Variants in RALGPS1 observed in about 807,000 individuals in gnomAD.
The protein encoded by RALGPS1 is ras-specific guanine nucleotide-releasing factor RalGPS1.
In RALGPS1, 19 loss-of-function variants were observed where a neutral mutation model predicts 78.8. The observed-to-expected ratio is 0.24, with a 90% CI of 0.17 to 0.35. RALGPS1 has a LOEUF of 0.35. RALGPS1 is among the 10% of genes least tolerant of loss of function. RALGPS1 has a pLI of 1.00. For missense variants in RALGPS1, 454 were observed against 688.3 expected, an observed-to-expected ratio of 0.66 and a Z score of 3.81; for synonymous variants, 228 against 256.3, an observed-to-expected ratio of 0.89 and a Z score of 1.06.
At chr9:127,058,355 G>A (rs1271767495) in intron 7 of RALGPS1, among the ~76,000 whole-genome samples, 1 of 152,164 alleles carries the variant, frequency 6.6e-6, no homozygotes, top group African/African-American at 2.4e-5. Flanking sequence ...TGGTTTTTGT[G>A]TTTTTAATTA....
At chr9:126,959,684 C>G (rs2038694889) in intron 1 of RALGPS1, among the ~76,000 whole-genome samples, 1 of 151,810 alleles carries the variant, frequency 6.6e-6, no homozygotes, top group African/African-American at 2.4e-5. Context: ...ACCCTCTTGA[C>G]TAGATTCAGC....
chr9:127,119,230 A>T (rs566496624), intron 8 of RALGPS1, among the ~76,000 whole-genome samples: 1 of 152,306 alleles, frequency 6.6e-6, no homozygotes, highest in East Asian at 1.9e-4. Context: ...GCTCATCTCT[A>T]AGAGTAACAG....
At chr9:127,085,618 T>C (rs2051633487) in intron 8 of RALGPS1, among the ~76,000 whole-genome samples, 1 of 152,200 alleles carries the variant, frequency 6.6e-6, no homozygotes, top group Non-Finnish European at 1.5e-5. Flanking sequence ...AGATTCAGTC[T>C]TGGGTATTGA....
chr9:127,032,615 A>ATATT (rs1308990346), intron 4 of RALGPS1, among the ~76,000 whole-genome samples: 2 of 152,224 alleles, frequency 1.3e-5, no homozygotes, highest in Non-Finnish European at 2.9e-5. Context: ...ATAATAACAT[A>ATATT]TATTTGCAAA....
chr9:126,981,663 A>G (rs905244904), intron 4 of RALGPS1, among the ~76,000 whole-genome samples: 1 of 152,194 alleles, frequency 6.6e-6, no homozygotes, highest in Admixed American at 6.5e-5. Context: ...TCACAGTGTT[A>G]TGATGTACCT....
chr9:127,107,572 G>A (rs2054339140), intron 8 of RALGPS1, among the ~76,000 whole-genome samples: 1 of 152,220 alleles, frequency 6.6e-6, no homozygotes. Context: ...TGAGCTGCAG[G>A]AGAGACATTC....
At chr9:127,162,077 CAT>C (rs565736967) in intron 8 of RALGPS1, among the ~76,000 whole-genome samples, 162 of 152,288 alleles carry the variant, frequency 1.1e-3, no homozygotes, top group Middle Eastern at 3.4e-3. Context: ...ACGAGGGTAA[CAT>C]GTGCTTCATA....
At chr9:127,206,528 G>T (rs2061939748) in intron 14 of RALGPS1, among the ~76,000 whole-genome samples, 1 of 152,130 alleles carries the variant, frequency 6.6e-6, no homozygotes, top group Non-Finnish European at 1.5e-5. Context: ...GAGAACAGCA[G>T]CATGGGGGTA....
intron 1 of RALGPS1, among the ~76,000 whole-genome samples, chr9:126,923,467 T>C (rs759067918): frequency 3.3e-5 from 5 of 152,190 alleles, no homozygotes; most frequent in Admixed American, 6.5e-5. Context: ...AAGGTACTTA[T>C]AATAGTTTTT....
intron 8 of RALGPS1, among the ~76,000 whole-genome samples, chr9:127,119,590 C>G (rs2055829681): frequency 6.6e-6 from 1 of 152,130 alleles, no homozygotes; most frequent in South Asian, 2.1e-4. Context: ...AACCTACCTT[C>G]TAGGGTTGTG....
In RALGPS1 at chr9:126,977,736, C is replaced by T. The variant is rs1033078781; in HGVS notation, c.207C>T (p.Ile69=). ...TGGATATACCTGTGTTTAAAGCTAT[C>T]CAGCCGGAGGTCTGTACTTTGTCTT... ...TLMDIPVFKA[I]QPEELASCGW... is the part of the protein sequence containing the mutation. Residue 69 remains isoleucine (I), a synonymous_variant, in exon 4 of 19, where the codon ATC becomes ATT. Coordinates refer to ENST00000259351, the MANE Select transcript of RALGPS1 (RefSeq NM_014636.3). 3.7e-6 allele frequency: 6 copies of T among 1,601,914 alleles called. No individual in the cohort carries two copies. The highest frequency in any genetic ancestry group is 1.3e-5 in the African/African-American group (1 of 74,510).
At position 127,125,253 on chromosome 9, in the gene RALGPS1, C is replaced by T. The variant is rs111311011; in HGVS notation, c.611-40816C>T. Among the ~76,000 whole-genome samples the T allele has an allele frequency of 5.9e-3, 892 of 152,340 alleles. 16 individuals carry two copies. The highest frequency in any genetic ancestry group is 0.021 in the African/African-American group (856 of 41,580). On this transcript the variant is annotated intron_variant, in intron 8 of 18. Coordinates refer to ENST00000259351, the MANE Select transcript of RALGPS1 (RefSeq NM_014636.3). Reference sequence around the variant, plus strand: ...AAAGCTCTTGTAGTTTCTGTTGCTTCCTTCGTTGGGCTGTGAGTCCCCTGA... The same window carrying T: ...AAAGCTCTTGTAGTTTCTGTTGCTTTCTTCGTTGGGCTGTGAGTCCCCTGA...
chr9:126,950,839 G>C (rs1363817070), intron 1 of RALGPS1, among the ~76,000 whole-genome samples: 1 of 131,632 alleles, frequency 7.6e-6, no homozygotes, highest in African/African-American at 2.8e-5. Flanking sequence ...AGGAAATAGA[G>C]ACAAAAAAAA....
intron 8 of RALGPS1, among the ~76,000 whole-genome samples, chr9:127,145,331 G>A (rs149431675): frequency 3.9e-5 from 6 of 152,298 alleles, no homozygotes; most frequent in East Asian, 1.9e-4. Context: ...AGGCCACAGC[G>A]CTGGTCAGTG....
chr9:127,068,304 A>C (rs2049890346), intron 7 of RALGPS1, among the ~76,000 whole-genome samples: 1 of 152,134 alleles, frequency 6.6e-6, no homozygotes, highest in African/African-American at 2.4e-5. Flanking sequence ...TGGGCATGTG[A>C]ATTGTGTGGA....
At chr9:127,208,192 G>A (rs1431894963) in intron 14 of RALGPS1, among the ~76,000 whole-genome samples, 1 of 152,244 alleles carries the variant, frequency 6.6e-6, no homozygotes, top group African/African-American at 2.4e-5. Flanking sequence ...AAGGGACCAG[G>A]AGACCTGGAG....
intron 8 of RALGPS1, among the ~76,000 whole-genome samples, chr9:127,086,135 C>T (rs186456679): frequency 2.9e-4 from 44 of 152,282 alleles, no homozygotes; most frequent in Non-Finnish European, 1.3e-4. Context: ...CACACACACA[C>T]GCCTGTTTCT....
intron 8 of RALGPS1, among the ~76,000 whole-genome samples, chr9:127,152,696 C>T (rs1336168542): frequency 6.6e-6 from 1 of 152,130 alleles, no homozygotes; most frequent in Non-Finnish European, 1.5e-5. Flanking sequence ...GGCTGTCTGT[C>T]CATAAGTCTT....
chr9:127,012,425 C>T (rs1346790648), intron 4 of RALGPS1, among the ~76,000 whole-genome samples: 6 of 152,258 alleles, frequency 3.9e-5, no homozygotes, highest in Non-Finnish European at 7.3e-5. Context: ...CCCTGTGTCT[C>T]GGCCACCCTT....
Sources: gnomAD v4.1 joint callset for allele counts (sites outside exome capture counted in the v4.1 genomes callset) on GRCh38, gnomAD v4.1.1 for gene constraint, MANE v1.5 for transcripts, NCBI Gene and HGNC (gene_info 2026-07-23, HGNC 2026-07-21) for gene names.